FAM169A: variants seen among roughly 807,000 people sequenced by gnomAD.
The protein encoded by FAM169A is family with sequence similarity 169 member A.
In FAM169A, 24 loss-of-function variants were observed where a neutral mutation model predicts 75.7. That is an observed-to-expected ratio of 0.32 (90% CI 0.23 to 0.45). FAM169A has a LOEUF of 0.45. Among genes scored for constraint, FAM169A ranks in the 20% least tolerant of loss-of-function variants. FAM169A has a pLI of 1.00. For missense variants in FAM169A, 673 were observed against 784.0 expected (o/e 0.86, Z 1.69); for synonymous variants, 271 against 271.0 (o/e 1.00, Z 0.00).
intron 8 of FAM169A, among the ~76,000 whole-genome samples, chr5:74,802,561 TA>T (rs1746645070): frequency 6.6e-6 from 1 of 152,094 alleles, no homozygotes; most frequent in African/African-American, 2.4e-5. Flanking sequence ...ACCCACCCTT[TA>T]AAAGTCATCC....
rs765017697 is a variant in FAM169A at position 74,783,093 on chromosome 5, A to G, written c.1302T>C (p.Asp434=). The G allele has an allele frequency of 1.2e-6, 2 of 1,613,772 alleles. No homozygotes were observed. Among genetic ancestry groups the G allele is most frequent in the South Asian group, 2.2e-5 (2 of 91,078 alleles). The part of the protein sequence containing the change: ...LEPMNGEIMD[D]SLKTSLITEE... ...CTGTTATAAGTGAGGTCTTAAGAGAATCGTCCATTATCTCACCATTCATAG... is the reference window on the plus strand; with the variant it reads ...CTGTTATAAGTGAGGTCTTAAGAGAGTCGTCCATTATCTCACCATTCATAG... Residue 434 remains aspartate, a synonymous_variant, in exon 12 of 13, where the codon GAT becomes GAC. Transcript: ENST00000687041.
intron 6 of FAM169A, among the ~76,000 whole-genome samples, chr5:74,807,636 C>T (rs1334669374): frequency 6.6e-6 from 1 of 152,088 alleles, no homozygotes; most frequent in African/African-American, 2.4e-5. Context: ...CCGGACACAA[C>T]CTAAGTGCCC....
At chr5:74,797,146 T>C (rs555742329) in intron 10 of FAM169A, among the ~76,000 whole-genome samples, 2 of 152,280 alleles carry the variant, frequency 1.3e-5, no homozygotes, top group African/African-American at 4.8e-5. Flanking sequence ...GAATAAAGTG[T>C]ACCTTCTTTG....
chr5:74,861,247 T>G (rs898547156), intron 1 of FAM169A, among the ~76,000 whole-genome samples: 3 of 152,238 alleles, frequency 2.0e-5, no homozygotes, highest in Non-Finnish European at 4.4e-5. Context: ...ATATTTCACC[T>G]AACTATAAGC....
chr5:74,809,113 AAAAGG>A (rs1747036594), intron 6 of FAM169A, among the ~76,000 whole-genome samples: 2 of 152,340 alleles, frequency 1.3e-5, no homozygotes, highest in Admixed American at 1.3e-4. Flanking sequence ...AAATACTTCC[AAAAGG>A]AAAGAAAAAA....
chr5:74,864,469 C>A (rs997156431), intron 1 of FAM169A, among the ~76,000 whole-genome samples: 2 of 152,192 alleles, frequency 1.3e-5, no homozygotes, highest in African/African-American at 4.8e-5. Context: ...ACCTCGTGAT[C>A]CACCCGCTCT....
At chr5:74,805,082 A>G in intron 7 of FAM169A, 74 bp downstream of exon 7, 1 of 1,308,438 alleles carries the variant, frequency 7.6e-7, no homozygotes, top group Non-Finnish European at 1.1e-6. Context: ...TTTAAACTGG[A>G]CTTATGGGCC....
At chr5:74,792,036 A>C (rs1746004799) in intron 11 of FAM169A, among the ~76,000 whole-genome samples, 1 of 152,194 alleles carries the variant, frequency 6.6e-6, no homozygotes, top group Non-Finnish European at 1.5e-5. Context: ...ACATCATATC[A>C]GCATTAAGTG....
chr5:74,849,960 T>C (rs1749355934), intron 1 of FAM169A, among the ~76,000 whole-genome samples: 1 of 152,180 alleles, frequency 6.6e-6, no homozygotes, highest in African/African-American at 2.4e-5. Context: ...GCCTATAAAT[T>C]AGGTAATAGA....
At chr5:74,862,578 G>T (rs888709973) in intron 1 of FAM169A, among the ~76,000 whole-genome samples, 10 of 152,076 alleles carry the variant, frequency 6.6e-5, no homozygotes, top group Non-Finnish European at 1.5e-4. Context: ...TCACTCACAG[G>T]ACAGAATTAT....
At position 74,854,825 on chromosome 5, in the gene FAM169A, T is replaced by A. The variant is rs1749625977; in HGVS notation, c.-4+11340A>T. Among the ~76,000 whole-genome samples, 7 of 152,244 alleles carry A rather than the reference T, an allele frequency of 4.6e-5. No homozygotes were observed. The South Asian group carries it at 1.2e-3, about 27-fold the overall frequency. ...TGTCTGAATACTACTCCATTGTGCA[T>A]ATGTACCATATTTTCTTTATCCATT... On this transcript the variant is annotated intron_variant, in intron 1 of 12. Transcript: ENST00000687041.
intron 1 of FAM169A, among the ~76,000 whole-genome samples, chr5:74,844,888 T>C (rs1561321295): frequency 6.6e-6 from 1 of 152,232 alleles, no homozygotes; most frequent in South Asian, 2.1e-4. Context: ...AAAGGAAGTA[T>C]AAAGTTAGTA....
At chr5:74,832,106 C>A (rs1748343223) in intron 5 of FAM169A, among the ~76,000 whole-genome samples, 1 of 151,920 alleles carries the variant, frequency 6.6e-6, no homozygotes, top group African/African-American at 2.4e-5. Flanking sequence ...TTTTTTACTT[C>A]ATTTGAAAGA....
At chr5:74,864,392 G>A (rs1384948831) in intron 1 of FAM169A, among the ~76,000 whole-genome samples, 1 of 152,070 alleles carries the variant, frequency 6.6e-6, no homozygotes, top group Non-Finnish European at 1.5e-5. Context: ...CACCACACCC[G>A]GCTAATTTTG....
chr5:74,839,415 C>T (rs531355082), intron 3 of FAM169A, among the ~76,000 whole-genome samples: 1 of 152,250 alleles, frequency 6.6e-6, no homozygotes, highest in African/African-American at 2.4e-5. Flanking sequence ...TGCGCACACA[C>T]TCTCTCTTGC....
At chr5:74,840,040 T>G (rs756028413) in intron 3 of FAM169A, 34 bp downstream of exon 3, 1 of 1,129,218 alleles carries the variant, frequency 8.9e-7, no homozygotes, top group African/African-American at 1.6e-5. Context: ...TGGAGAAAAA[T>G]TCCTTAATTT....
chr5:74,826,299 G>T (rs2112621890), intron 5 of FAM169A, among the ~76,000 whole-genome samples: 1 of 152,074 alleles, frequency 6.6e-6, no homozygotes. Context: ...CACATCAGTG[G>T]CCTTCCTTAC....
chr5:74,794,400 A>G (rs1333328314), intron 11 of FAM169A, among the ~76,000 whole-genome samples: 1 of 149,184 alleles, frequency 6.7e-6, no homozygotes, highest in Non-Finnish European at 1.5e-5. Flanking sequence ...TCTCAAAAAA[A>G]AAAAGAAATA....
chr5:74,779,249 A>G lies in FAM169A; in HGVS notation c.*2211T>C, dbSNP rs1745285812. On this transcript the variant is annotated 3_prime_UTR_variant, in exon 13 of 13. Coordinates refer to ENST00000687041, the MANE Select transcript of FAM169A (RefSeq NM_001376049.1). ...TAAACTCAACTATATTCACACATCA[A>G]GAGTTGAGCCAGTGAGCTCAATCTT... 6.6e-6 allele frequency: 1 copy of G among 152,158 alleles called. No homozygotes were observed. The allele number at this position is 152,158 out of a possible 1,614,324, so 9.4% of individuals were successfully genotyped here. A position where few individuals can be genotyped will look rare whatever the true frequency, so the allele number is the denominator to read the frequency against.
Sources: gnomAD v4.1 joint callset for allele counts (sites outside exome capture counted in the v4.1 genomes callset) on GRCh38, gnomAD v4.1.1 for gene constraint, MANE v1.5 for transcripts, NCBI Gene and HGNC (gene_info 2026-07-23, HGNC 2026-07-21) for gene names.